Variants in MSTO1 observed in about 807,000 individuals in gnomAD.
MSTO1 encodes protein misato homolog 1.
In MSTO1, 24 loss-of-function variants were observed where a neutral mutation model predicts 55.7. The ratio of observed to expected loss-of-function variants is 0.43; its 90% CI spans 0.31 to 0.61. The LOEUF is 0.61. Among genes scored for constraint, MSTO1 ranks in the 20% least tolerant of loss-of-function variants. MSTO1 has a pLI of 0.09. For missense variants in MSTO1, 363 were observed against 625.7 expected (o/e 0.58, Z 4.48); for synonymous variants, 162 against 252.8 (o/e 0.64, Z 3.41).
At chr1:155,565,521 T>C in the MSTO1 span, among the ~76,000 whole-genome samples, 2 of 152,128 alleles carry the variant, frequency 1.3e-5, no homozygotes, top group South Asian at 2.1e-4. Flanking sequence ...CTTTAGACTC[T>C]AGTTTGCCTG....
chr1:155,594,746 T>C, the MSTO1 span, among the ~76,000 whole-genome samples: 5 of 152,098 alleles, frequency 3.3e-5, no homozygotes, highest in Non-Finnish European at 5.9e-5. Flanking sequence ...CCACCACACC[T>C]GGCTCCCAAG....
At position 155,614,343 on chromosome 1, in the gene MSTO1, A is replaced by C; in HGVS notation, c.*70A>C. 1 of 567,234 alleles carries C rather than the reference A, an allele frequency of 1.8e-6. No individual in the cohort carries two copies. The highest frequency in any genetic ancestry group is 3.1e-6 in the Non-Finnish European group (1 of 318,888). 35.1% of individuals were successfully genotyped at this position (567,234 alleles called of 1,614,324 possible). A position where few individuals can be genotyped will look rare whatever the true frequency, so the allele number is the denominator to read the frequency against. On this transcript the variant is annotated 3_prime_UTR_variant, in exon 14 of 14. Coordinates refer to ENST00000245564, the MANE Select transcript of MSTO1 (RefSeq NM_018116.4). ...CTGGATGCAGGAGCCCAGTGTCTTC[A>C]TGCAGAGGAGCTCAATGTCGCGGGA...
chr1:155,612,499 C>T lies in MSTO1; in HGVS notation c.895C>T (p.Pro299Ser), dbSNP rs1291901635. 3.7e-6 allele frequency: 6 copies of T among 1,613,882 alleles called. No individual in the cohort carries two copies. Among genetic ancestry groups the T allele is most frequent in the Non-Finnish European group, 5.1e-6 (6 of 1,180,014 alleles). Residue 299 changes from proline (P) to serine (S), a missense_variant, in exon 9 of 14, where the codon CCC becomes TCC. This residue lies in a region of MSTO1 where 231 missense variants were observed against 286.9 expected (regional missense o/e 0.81). Coordinates refer to ENST00000245564, the MANE Select transcript of MSTO1 (RefSeq NM_018116.4). ...GACTGCTCACAGCTCTCTTGTCTGC[C>T]CCTTGTCCTTGGGTGGGAGCCTGGG... is the stretch of plus-strand genomic sequence containing the variant. Reference protein sequence around the residue: ...HLTAHSSLVCPLSLGGSLGLR... With the variant: ...HLTAHSSLVCSLSLGGSLGLR...
the MSTO1 span, among the ~76,000 whole-genome samples, chr1:155,580,722 C>T: frequency 6.6e-6 from 1 of 151,984 alleles, no homozygotes; most frequent in Admixed American, 6.6e-5. Context: ...AGTTCAAAAC[C>T]ACCCTGGGCA....
chr1:155,609,243 A>ATATATATTT (rs59756178), upstream of MSTO1, among the ~76,000 whole-genome samples: 331 of 54,482 alleles, frequency 6.1e-3, 14 homozygotes, highest in Middle Eastern at 0.034. Context: ...ATATATATAT[A>ATATATATTT]TTTTTTTTTT....
upstream of MSTO1, among the ~76,000 whole-genome samples, chr1:155,608,797 C>T (rs12077729): frequency 0.062 from 9,389 of 151,372 alleles, 330 homozygotes; most frequent in African/African-American, 0.094. Context: ...CCGCGGCGCC[C>T]GGCCTTTTTT....
At chr1:155,607,277 A>G (rs188720455), upstream of MSTO1, among the ~76,000 whole-genome samples, 15 of 151,856 alleles carry the variant, frequency 9.9e-5, no homozygotes, top group South Asian at 1.5e-3. Context: ...CTGGTTCAAG[A>G]GATTCTCCTG....
upstream of MSTO1, among the ~76,000 whole-genome samples, chr1:155,608,308 G>C (rs1672996381): frequency 6.6e-6 from 1 of 152,076 alleles, no homozygotes; most frequent in South Asian, 2.1e-4. Flanking sequence ...ACAGATGTGG[G>C]CTGCCTAGCT....
At chr1:155,610,101 C>A, upstream of MSTO1, 3 of 755,536 alleles carry the variant, frequency 4.0e-6, no homozygotes, top group Non-Finnish European at 6.3e-6. Flanking sequence ...AGGAAGGGAT[C>A]GGCGCATCGT....
the MSTO1 span, among the ~76,000 whole-genome samples, chr1:155,579,363 A>G: frequency 6.6e-6 from 1 of 152,008 alleles, no homozygotes; most frequent in Non-Finnish European, 1.5e-5. Context: ...AAAACCCAAG[A>G]GGAAGACTAG....
the MSTO1 span, chr1:155,590,639 G>T: frequency 1.4e-6 from 2 of 1,407,136 alleles, no homozygotes; most frequent in Non-Finnish European, 1.9e-6. Context: ...GAGGTCCCCC[G>T]AGAGATGGCA....
the MSTO1 span, among the ~76,000 whole-genome samples, chr1:155,596,722 G>A: frequency 1.3e-5 from 2 of 152,152 alleles, no homozygotes; most frequent in African/African-American, 4.8e-5. Context: ...AGGAAGTCAA[G>A]GCTACAGTCA....
chr1:155,600,387 AT>A, the MSTO1 span, among the ~76,000 whole-genome samples: 1 of 152,228 alleles, frequency 6.6e-6, no homozygotes, highest in Non-Finnish European at 1.5e-5. Context: ...AAGGTCATAG[AT>A]TAACAGAATC....
At chr1:155,569,072 T>C in the MSTO1 span, among the ~76,000 whole-genome samples, 2 of 152,184 alleles carry the variant, frequency 1.3e-5, no homozygotes, top group East Asian at 1.9e-4. Flanking sequence ...CAGGCTGGTC[T>C]TGAACTCCTG....
the MSTO1 span, among the ~76,000 whole-genome samples, chr1:155,566,913 CCAGGTTAAAATATTAACCTGCT>C: frequency 1.3e-5 from 2 of 151,766 alleles, no homozygotes; most frequent in Admixed American, 1.3e-4. Flanking sequence ...CCACACCCGG[CCAGGTTAAAATATTAACCTGCT>C]CTTACTATGT....
At chr1:155,574,160 C>A in the MSTO1 span, among the ~76,000 whole-genome samples, 1 of 152,082 alleles carries the variant, frequency 6.6e-6, no homozygotes, top group East Asian at 1.9e-4. Flanking sequence ...GAGTTGAAGA[C>A]CAGCCTGGAC....
chr1:155,567,372 C>T, the MSTO1 span, among the ~76,000 whole-genome samples: 3 of 144,696 alleles, frequency 2.1e-5, no homozygotes, highest in Non-Finnish European at 4.5e-5. Flanking sequence ...AGTGCTGTGG[C>T]GCGATCTCCG....
At chr1:155,593,056 C>T in the MSTO1 span, among the ~76,000 whole-genome samples, 1 of 152,078 alleles carries the variant, frequency 6.6e-6, no homozygotes, top group South Asian at 2.1e-4. Flanking sequence ...GGATTATAGG[C>T]GTGCAACACC....
chr1:155,587,441 A>G, the MSTO1 span, among the ~76,000 whole-genome samples: 4 of 82,418 alleles, frequency 4.9e-5, no homozygotes, highest in Non-Finnish European at 1.0e-4. Context: ...CTACGTCTCA[A>G]AAAAAAAAAA....
Sources: allele counts gnomAD v4.1 joint callset (sites outside exome capture counted in the v4.1 genomes callset), GRCh38; gene constraint gnomAD v4.1.1; regional missense constraint gnomAD v4.1.1; transcripts MANE v1.5; gene names NCBI Gene and HGNC (gene_info 2026-07-23, HGNC 2026-07-21).